IGSF21: variants seen among roughly 807,000 people sequenced by gnomAD.
IGSF21 encodes immunoglobin superfamily member 21, also known as immunoglobulin superfamily member 21.
A neutral mutation model predicts 46.8 loss-of-function variants in IGSF21; 28 were observed. That is an observed-to-expected ratio of 0.60 (90% CI 0.44 to 0.82). The LOEUF (loss-of-function observed/expected upper bound fraction) is 0.82. IGSF21 is among the 40% of genes least tolerant of loss of function. IGSF21 has a pLI of 0.00. For synonymous variants in IGSF21, 284 were observed against 273.6 expected (o/e 1.04, Z -0.38); for missense variants, 624 against 665.5 (o/e 0.94, Z 0.69).
chr1:18,241,592 C>T (rs1031313030), intron 2 of IGSF21, among the ~76,000 whole-genome samples: 1 of 152,182 alleles, frequency 6.6e-6, no homozygotes, highest in Non-Finnish European at 1.5e-5. Context: ...GGGATTTCCC[C>T]CTGAGCGATG....
At chr1:18,219,087 C>T (rs2084481601) in intron 1 of IGSF21, among the ~76,000 whole-genome samples, 1 of 152,168 alleles carries the variant, frequency 6.6e-6, no homozygotes, top group Non-Finnish European at 1.5e-5. Flanking sequence ...ATGGGGTGTA[C>T]AGTCTAGTTG....
At chr1:18,305,042 G>T (rs1188179119) in intron 3 of IGSF21, among the ~76,000 whole-genome samples, 1 of 152,194 alleles carries the variant, frequency 6.6e-6, no homozygotes, top group African/African-American at 2.4e-5. Flanking sequence ...GGGAGTGAGG[G>T]TTAGGTGGAA....
At chr1:18,354,432 AG>A (rs2085993410) in intron 4 of IGSF21, among the ~76,000 whole-genome samples, 1 of 152,236 alleles carries the variant, frequency 6.6e-6, no homozygotes, top group South Asian at 2.1e-4. Context: ...AAGAAATTAA[AG>A]TAGGGAATAT....
chr1:18,316,922 G>A (rs2085548600), intron 3 of IGSF21, among the ~76,000 whole-genome samples: 1 of 152,226 alleles, frequency 6.6e-6, no homozygotes, highest in Admixed American at 6.5e-5. Flanking sequence ...GCCTAGCAAT[G>A]TTCTCAATGC....
intron 1 of IGSF21, among the ~76,000 whole-genome samples, chr1:18,123,357 G>A (rs1365269215): frequency 2.0e-5 from 3 of 152,166 alleles, no homozygotes; most frequent in Non-Finnish European, 1.5e-5. Context: ...GGGAGCATAG[G>A]ACAGAGCCTT....
At chr1:18,199,571 C>T (rs779194680) in intron 1 of IGSF21, among the ~76,000 whole-genome samples, 7 of 152,218 alleles carry the variant, frequency 4.6e-5, no homozygotes, top group Middle Eastern at 6.8e-3. Context: ...GACTCCACTG[C>T]CTCCTCTTTG....
At chr1:18,219,547 G>A (rs563630515) in intron 1 of IGSF21, among the ~76,000 whole-genome samples, 11 of 152,268 alleles carry the variant, frequency 7.2e-5, no homozygotes, top group South Asian at 4.2e-4. Flanking sequence ...AGATAGCAGC[G>A]GAGGGGTGAG....
chr1:18,306,084 C>G (rs984808857), intron 3 of IGSF21, among the ~76,000 whole-genome samples: 1 of 152,184 alleles, frequency 6.6e-6, no homozygotes, highest in Non-Finnish European at 1.5e-5. Flanking sequence ...GAAATCAGGT[C>G]ACCTGCTGCT....
chr1:18,292,392 C>T (rs2085276109), intron 3 of IGSF21, among the ~76,000 whole-genome samples: 1 of 152,238 alleles, frequency 6.6e-6, no homozygotes, highest in South Asian at 2.1e-4. Flanking sequence ...CCACATTCTA[C>T]TGTTTTTTGT....
At position 18,208,877 on chromosome 1, in the gene IGSF21, A is replaced by G. The variant is rs142165891; in HGVS notation, c.71-19021A>G. Among the ~76,000 whole-genome samples the G allele has an allele frequency of 2.6e-3, 400 of 152,290 alleles. 4 individuals carry two copies. The highest frequency in any genetic ancestry group is 9.5e-3 in the African/African-American group (396 of 41,552). On this transcript the variant is annotated intron_variant, in intron 1 of 9. Transcript: ENST00000251296. Reference sequence around the variant, plus strand: ...CCTGATAAATGCAACACATAGAGGAATGTCAGAAACATCATGCTGAGAACG... The same window carrying G: ...CCTGATAAATGCAACACATAGAGGAGTGTCAGAAACATCATGCTGAGAACG...
intron 3 of IGSF21, among the ~76,000 whole-genome samples, chr1:18,329,861 T>C (rs2085695040): frequency 6.6e-6 from 1 of 152,214 alleles, no homozygotes; most frequent in African/African-American, 2.4e-5. Context: ...TGCCCAGCGC[T>C]TGCATGGCCT....
At chr1:18,191,543 G>A (rs542311202) in intron 1 of IGSF21, among the ~76,000 whole-genome samples, 2 of 152,174 alleles carry the variant, frequency 1.3e-5, no homozygotes, top group Non-Finnish European at 2.9e-5. Context: ...AAAGGGAATG[G>A]GATCCATACG....
chr1:18,368,559 C>CTT (rs35969748), intron 6 of IGSF21, among the ~76,000 whole-genome samples: 106,176 of 150,450 alleles, frequency 0.71, 37,715 homozygotes, highest in East Asian at 0.75. Flanking sequence ...ACAAGCATCA[C>CTT]AAGGCCAGGC....
chr1:18,152,681 G>A (rs557317327), intron 1 of IGSF21, among the ~76,000 whole-genome samples: 3 of 152,214 alleles, frequency 2.0e-5, no homozygotes, highest in Non-Finnish European at 4.4e-5. Flanking sequence ...CATCACTATG[G>A]AGCTTGGTCT....
chr1:18,179,956 G>T (rs1187803229), intron 1 of IGSF21, among the ~76,000 whole-genome samples: 2 of 152,222 alleles, frequency 1.3e-5, no homozygotes, highest in Non-Finnish European at 2.9e-5. Context: ...TCCAGGCTCA[G>T]GGCCTTCGCC....
intron 3 of IGSF21, among the ~76,000 whole-genome samples, chr1:18,331,250 T>G (rs931021545): frequency 1.3e-5 from 2 of 152,144 alleles, no homozygotes; most frequent in African/African-American, 4.8e-5. Context: ...GTCTTTTATC[T>G]CTCACCCCCT....
intron 3 of IGSF21, among the ~76,000 whole-genome samples, chr1:18,298,316 T>C (rs1026470375): frequency 3.3e-5 from 5 of 152,180 alleles, no homozygotes; most frequent in African/African-American, 1.2e-4. Flanking sequence ...GAGCCTGGAA[T>C]CTGACTTCCA....
intron 6 of IGSF21, among the ~76,000 whole-genome samples, chr1:18,366,886 G>T (rs1328039112): frequency 6.6e-6 from 1 of 152,136 alleles, no homozygotes; most frequent in Non-Finnish European, 1.5e-5. Context: ...ACTGACTCAG[G>T]GCAGGGAAAG....
At chr1:18,269,389 G>A (rs558661718) in intron 2 of IGSF21, among the ~76,000 whole-genome samples, 12 of 152,334 alleles carry the variant, frequency 7.9e-5, no homozygotes, top group African/African-American at 2.4e-4. Flanking sequence ...ATGGATGCAA[G>A]TGTTTGGGGA....
Sources: allele counts gnomAD v4.1 joint callset (sites outside exome capture counted in the v4.1 genomes callset), GRCh38; gene constraint gnomAD v4.1.1; transcripts MANE v1.5; gene names NCBI Gene and HGNC (gene_info 2026-07-23, HGNC 2026-07-21).